The following ZFHX3 variants were observed in gnomAD, a reference collection of about 807,000 sequenced individuals.
ZFHX3 encodes the protein zinc finger homeobox 3.
Under a neutral mutation model 279.1 loss-of-function variants are expected in ZFHX3, and 42 were observed. The observed-to-expected ratio is 0.15, with a 90% CI of 0.12 to 0.19. The LOEUF is 0.19. Among genes scored for constraint, ZFHX3 ranks in the 10% least tolerant of loss-of-function variants. ZFHX3 has a pLI of 1.00. For synonymous variants in ZFHX3, 2,293 were observed against 1,957.8 expected, an observed-to-expected ratio of 1.17 and a Z score of -4.52; for missense variants, 4,981 against 4,754.0, an observed-to-expected ratio of 1.05 and a Z score of -1.40.
chr16:73,865,158 G>T (rs1315209918), intron 1 of ZFHX3, among the ~76,000 whole-genome samples: 1 of 152,228 alleles, frequency 6.6e-6, no homozygotes, highest in East Asian at 1.9e-4. Flanking sequence ...AATACCAGAA[G>T]TGAGCATCTT....
At chr16:73,373,762 C>T (rs1479340653) in intron 3 of ZFHX3, among the ~76,000 whole-genome samples, 2 of 152,068 alleles carry the variant, frequency 1.3e-5, no homozygotes, top group Non-Finnish European at 2.9e-5. Flanking sequence ...GCTTCACAAA[C>T]TCCCATCTCT....
chr16:73,705,882 T>A (rs2053298069), intron 1 of ZFHX3, among the ~76,000 whole-genome samples: 1 of 152,146 alleles, frequency 6.6e-6, no homozygotes, highest in African/African-American at 2.4e-5. Flanking sequence ...TTCCTCTCAA[T>A]TTTTTGCCAC....
chr16:72,976,345 G>T (rs1567614862), intron 1 of ZFHX3, among the ~76,000 whole-genome samples: 1 of 152,194 alleles, frequency 6.6e-6, no homozygotes, highest in East Asian at 1.9e-4. Context: ...GATGGTGAAT[G>T]GGGCCAATTT....
At chr16:73,359,545 T>C (rs1597300245) in intron 3 of ZFHX3, among the ~76,000 whole-genome samples, 2 of 152,034 alleles carry the variant, frequency 1.3e-5, no homozygotes, top group Non-Finnish European at 2.9e-5. Context: ...GGCTGAGAGG[T>C]GCCATGTTCT....
chr16:73,599,409 A>C (rs1597019936), intron 2 of ZFHX3, among the ~76,000 whole-genome samples: 1 of 152,352 alleles, frequency 6.6e-6, no homozygotes, highest in East Asian at 1.9e-4. Context: ...CAAAATGAAA[A>C]CGTGGAGCCC....
intron 8 of ZFHX3, among the ~76,000 whole-genome samples, chr16:73,086,418 T>C (rs1597151613): frequency 6.6e-6 from 1 of 152,218 alleles, no homozygotes; most frequent in African/African-American, 2.4e-5. Context: ...TCCATGTTTA[T>C]TGTGGCATTA....
chr16:72,888,008 A>C (rs535608528), intron 4 of ZFHX3, among the ~76,000 whole-genome samples: 1 of 152,228 alleles, frequency 6.6e-6, no homozygotes, highest in East Asian at 1.9e-4. Flanking sequence ...TGAAATTCTC[A>C]TCTGCCCAGG....
chr16:73,799,377 AG>A (rs1960081596), intron 1 of ZFHX3, among the ~76,000 whole-genome samples: 1 of 152,224 alleles, frequency 6.6e-6, no homozygotes, highest in African/African-American at 2.4e-5. Flanking sequence ...ATATTACGAC[AG>A]TGGATGACAT....
intron 5 of ZFHX3, among the ~76,000 whole-genome samples, chr16:73,212,310 C>T (rs766047809): frequency 6.6e-6 from 1 of 152,136 alleles, no homozygotes; most frequent in Non-Finnish European, 1.5e-5. Flanking sequence ...ACTCTACATA[C>T]TCTAGCACAC....
At chr16:73,544,194 G>GA (rs371900811) in intron 2 of ZFHX3, among the ~76,000 whole-genome samples, 3,815 of 150,900 alleles carry the variant, frequency 0.025, 155 homozygotes, top group African/African-American at 0.085. Context: ...TTAGGGAGAG[G>GA]AAAAAAAAAG....
intron 2 of ZFHX3, among the ~76,000 whole-genome samples, chr16:73,463,996 C>T (rs938785409): frequency 5.3e-5 from 8 of 152,164 alleles, no homozygotes; most frequent in Admixed American, 1.3e-4. Context: ...TTAAAATAAA[C>T]AATACTGTGG....
chr16:73,803,849 A>C (rs547619098), intron 1 of ZFHX3, among the ~76,000 whole-genome samples: 1 of 152,334 alleles, frequency 6.6e-6, no homozygotes, highest in African/African-American at 2.4e-5. Context: ...ATAATGATAC[A>C]GAAAGATATC....
chr16:72,930,167 G>A (rs1268631977), intron 3 of ZFHX3, among the ~76,000 whole-genome samples: 1 of 152,184 alleles, frequency 6.6e-6, no homozygotes, highest in Non-Finnish European at 1.5e-5. Context: ...GCAGTGAGCT[G>A]AGATCTTGCC....
At chr16:73,265,520 T>C (rs1276731760) in intron 4 of ZFHX3, among the ~76,000 whole-genome samples, 1 of 152,194 alleles carries the variant, frequency 6.6e-6, no homozygotes, top group Non-Finnish European at 1.5e-5. Flanking sequence ...CCAGGACTCT[T>C]GGAATAAGCT....
At chr16:72,880,096 A>G (rs974091875) in intron 4 of ZFHX3, among the ~76,000 whole-genome samples, 2 of 152,184 alleles carry the variant, frequency 1.3e-5, no homozygotes, top group African/African-American at 2.4e-5. Flanking sequence ...GTGTGCTGCG[A>G]GCAGGAAACC....
chr16:73,579,139 G>C (rs2051831072), intron 2 of ZFHX3, among the ~76,000 whole-genome samples: 1 of 152,198 alleles, frequency 6.6e-6, no homozygotes, highest in African/African-American at 2.4e-5. Flanking sequence ...TCGTAACCCA[G>C]ACATCACTTT....
At chr16:73,878,942 T>TAG (rs1424371095) in intron 1 of ZFHX3, among the ~76,000 whole-genome samples, 35 of 58,206 alleles carry the variant, frequency 6.0e-4, no homozygotes, top group African/African-American at 2.5e-3. Context: ...AAAGATAAGA[T>TAG]ATATATATAT....
chr16:73,286,680 G>A (rs2014608763), intron 4 of ZFHX3, among the ~76,000 whole-genome samples: 1 of 149,516 alleles, frequency 6.7e-6, no homozygotes, highest in Admixed American at 6.7e-5. Flanking sequence ...TGGATGTGTG[G>A]GTTGGTGTGT....
intron 1 of ZFHX3, among the ~76,000 whole-genome samples, chr16:73,014,008 A>G (rs1466173678): frequency 2.0e-5 from 3 of 152,202 alleles, no homozygotes; most frequent in African/African-American, 7.2e-5. Flanking sequence ...ATGATCGTGG[A>G]TTATCCAGGG....
Sources: gnomAD v4.1 joint callset for allele counts (sites outside exome capture counted in the v4.1 genomes callset) on GRCh38, gnomAD v4.1.1 for gene constraint, MANE v1.5 for transcripts, NCBI Gene and HGNC (gene_info 2026-07-23, HGNC 2026-07-21) for gene names.